The following LRBA variants were observed in gnomAD, a reference collection of about 807,000 sequenced individuals.
The protein encoded by LRBA is LPS responsive beige-like anchor protein.
LRBA carries 176 observed loss-of-function variants against 330.0 expected under a neutral mutation model. The ratio of observed to expected loss-of-function variants is 0.53; its 90% CI spans 0.47 to 0.60. The LOEUF is 0.60. LRBA is among the 20% of genes least tolerant of loss of function. The pLI, the probability that LRBA is intolerant of heterozygous loss-of-function variation, is 0.00. For missense variants in LRBA, 3,259 were observed against 3,444.8 expected (o/e 0.95, Z 1.35); for synonymous variants, 1,230 against 1,193.0 (o/e 1.03, Z -0.64).
intron 2 of LRBA, among the ~76,000 whole-genome samples, chr4:150,960,256 C>T (rs1253421598): frequency 2.0e-5 from 3 of 148,846 alleles, no homozygotes; most frequent in African/African-American, 5.2e-5. Context: ...TAAGAGCCTC[C>T]GGATGACAGA....
At chr4:150,876,747 T>C (rs2127025553) in intron 17 of LRBA, among the ~76,000 whole-genome samples, 1 of 152,282 alleles carries the variant, frequency 6.6e-6, no homozygotes, top group South Asian at 2.1e-4. Context: ...CAACACTTAC[T>C]ACCACAAAAA....
chr4:150,607,020 A>C (rs1456350353), intron 37 of LRBA, among the ~76,000 whole-genome samples: 1 of 152,242 alleles, frequency 6.6e-6, no homozygotes, highest in Non-Finnish European at 1.5e-5. Flanking sequence ...AAGGCACTAT[A>C]AGCCAAGAAA....
At chr4:150,871,309 G>T (rs755763973) in intron 19 of LRBA, 36 bp downstream of exon 19, 1 of 1,132,974 alleles carries the variant, frequency 8.8e-7, no homozygotes, top group Non-Finnish European at 1.3e-6. Context: ...TTTATAATAA[G>T]AAATTTAGAG....
At chr4:150,675,033 A>G (rs934220537) in intron 37 of LRBA, among the ~76,000 whole-genome samples, 4 of 152,086 alleles carry the variant, frequency 2.6e-5, no homozygotes, top group Admixed American at 6.5e-5. Context: ...CCTGGGCAAC[A>G]TAGTGAGACT....
rs890794296 is a variant in LRBA, at chr4:150,717,701, A to AATAATAATAATAATAATAATC, written c.5754+17556_5754+17557insGATTATTATTATTATTATTAT. Among the ~76,000 whole-genome samples, 562 of 148,036 alleles carry AATAATAATAATAATAATAATC rather than the reference A, an allele frequency of 3.8e-3. 1 individual carries two copies. The highest frequency in any genetic ancestry group is 0.01 in the African/African-American group (424 of 40,714). ...TAATAATAATAATAATAATAATAAT[A>AATAATAATAATAATAATAATC]ATCAGTGCTTTCATGGTCTTTATTT... On this transcript the variant is annotated intron_variant, in intron 36 of 56. Transcript: ENST00000651943.
chr4:150,462,590 C>T lies in LRBA; in HGVS notation c.6780+5083G>A, dbSNP rs563887873. ...TTAATTCAGCTTCAGAAAGAGAATT[C>T]CCAGTGCAACATGGAAGAGATTACC... On this transcript the variant is annotated intron_variant, in intron 44 of 56. Coordinates refer to ENST00000651943, the MANE Select transcript of LRBA (RefSeq NM_001364905.1). Among the ~76,000 whole-genome samples the T allele has an allele frequency of 1.4e-4, 21 of 151,702 alleles. No individual in the cohort carries two copies. In the South Asian group the frequency reaches 1.5e-3, roughly 11 times the overall value.
At chr4:150,280,279 C>T (rs1747338571) in intron 55 of LRBA, among the ~76,000 whole-genome samples, 1 of 152,198 alleles carries the variant, frequency 6.6e-6, no homozygotes, top group Non-Finnish European at 1.5e-5. Flanking sequence ...GGGCCCCAGA[C>T]ACATGTTAAT....
rs35612775 is a variant in LRBA, at chr4:150,906,386, T to C, written c.1513A>G (p.Ile505Val). The C allele has an allele frequency of 1.1e-3, 1,699 of 1,606,962 alleles. 14 individuals are homozygous for C. In the African/African-American group the frequency reaches 0.02, roughly 19 times the overall value. ...ATTGAGTTCTTCAACAATTCCATGA[T>C]AAAGGCCAGCAAGGTTGAACTAGAA... ...LTICSTLLAF[I>V]MELLKNSIAM... The change falls in exon 12 of 57, where the codon ATC becomes GTC. Residue 505 changes from isoleucine to valine, a missense_variant. By Grantham distance (29) the Ile-to-Val change is conservative (BLOSUM62 3). Transcript: ENST00000651943.
chr4:150,617,617 G>C (rs1775892151), intron 37 of LRBA, among the ~76,000 whole-genome samples: 1 of 152,216 alleles, frequency 6.6e-6, no homozygotes, highest in African/African-American at 2.4e-5. Context: ...ACTCCAGCCT[G>C]GGCAACAAGA....
At chr4:150,837,447 T>G (rs1441190245) in intron 28 of LRBA, among the ~76,000 whole-genome samples, 1 of 152,168 alleles carries the variant, frequency 6.6e-6, no homozygotes, top group Non-Finnish European at 1.5e-5. Flanking sequence ...TTTCTAGGTC[T>G]CTAAGGACTT....
At chr4:151,010,688 C>G (rs1298069273) in intron 2 of LRBA, among the ~76,000 whole-genome samples, 3 of 151,760 alleles carry the variant, frequency 2.0e-5, no homozygotes, top group African/African-American at 7.3e-5. Flanking sequence ...TCAAGACCAG[C>G]CTGGCCAACA....
At chr4:150,720,850 A>G (rs921561048) in intron 36 of LRBA, 2 of 279,746 alleles carry the variant, frequency 7.1e-6, no homozygotes, top group East Asian at 2.1e-4. Context: ...AAAGCAAATC[A>G]GAAATTAAGG....
chr4:150,786,300 A>G (rs1226378030), intron 34 of LRBA, among the ~76,000 whole-genome samples: 2 of 150,558 alleles, frequency 1.3e-5, no homozygotes, highest in Non-Finnish European at 3.0e-5. Flanking sequence ...TGGAGTGCCA[A>G]TGGCATGATC....
intron 46 of LRBA, among the ~76,000 whole-genome samples, chr4:150,429,736 T>C (rs1750127327): frequency 6.6e-6 from 1 of 151,998 alleles, no homozygotes; most frequent in Non-Finnish European, 1.5e-5. Context: ...TGCAATCCCA[T>C]CTCCCCCAGT....
At chr4:150,884,734 AG>A (rs1728763841) in intron 17 of LRBA, among the ~76,000 whole-genome samples, 2 of 152,330 alleles carry the variant, frequency 1.3e-5, no homozygotes, top group Non-Finnish European at 2.9e-5. Flanking sequence ...AAACAAAAAA[AG>A]TCTAGAGTTG....
At chr4:150,678,673 T>A (rs1208435658) in intron 37 of LRBA, among the ~76,000 whole-genome samples, 1 of 152,102 alleles carries the variant, frequency 6.6e-6, no homozygotes. Context: ...ATGGGGAAAA[T>A]GTTACCTTTA....
Position 150,487,837 on chromosome 4 carries a change from A to G in LRBA, c.6449-3T>C. Reference sequence around the variant, plus strand: ...TGGGAAGTTGAACATCACAGCAACTACAACAGATGATTTTTAAAAATTAGA... The same window carrying G: ...TGGGAAGTTGAACATCACAGCAACTGCAACAGATGATTTTTAAAAATTAGA... On this transcript the variant is annotated splice_region_variant and splice_polypyrimidine_tract_variant and intron_variant, in intron 41 of 56. Transcript: ENST00000651943. The G allele has an allele frequency of 6.6e-7, 1 of 1,524,488 alleles. No homozygotes were observed. Among genetic ancestry groups the G allele is most frequent in the Non-Finnish European group, 9.0e-7 (1 of 1,109,442 alleles). 94.4% of individuals were successfully genotyped at this position (1,524,488 alleles called of 1,614,324 possible).
intron 40 of LRBA, among the ~76,000 whole-genome samples, chr4:150,553,682 T>TG (rs1299401440): frequency 6.6e-6 from 1 of 152,026 alleles, no homozygotes; most frequent in African/African-American, 2.4e-5. Context: ...CACAGACAGA[T>TG]GGGGGGTAGA....
At chr4:150,656,408 GGTTTT>G (rs1037648092) in intron 37 of LRBA, among the ~76,000 whole-genome samples, 4 of 152,070 alleles carry the variant, frequency 2.6e-5, no homozygotes, top group Non-Finnish European at 4.4e-5. Context: ...TGTTGTTGTG[GGTTTT>G]GTTTTCTTTC....
Sources: gnomAD v4.1 joint callset for allele counts (sites outside exome capture counted in the v4.1 genomes callset) on GRCh38, gnomAD v4.1.1 for gene constraint, MANE v1.5 for transcripts, NCBI Gene and HGNC (gene_info 2026-07-23, HGNC 2026-07-21) for gene names.